Variants in EYS observed in about 807,000 individuals in gnomAD.
EYS encodes protein eyes shut homolog.
In EYS, 250 loss-of-function variants were observed where a neutral mutation model predicts 282.1. That is an observed-to-expected ratio of 0.89 (90% CI 0.80 to 0.98). The LOEUF (loss-of-function observed/expected upper bound fraction) is 0.98. EYS is among the 50% of genes least tolerant of loss of function. EYS has a pLI of 0.00. For synonymous variants in EYS, 1,355 were observed against 1,282.9 expected (o/e 1.06, Z -1.20); for missense variants, 4,016 against 3,709.0 (o/e 1.08, Z -2.15).
At chr6:65,585,864 G>C (rs1765025762) in intron 2 of EYS, among the ~76,000 whole-genome samples, 1 of 151,916 alleles carries the variant, frequency 6.6e-6, no homozygotes, top group South Asian at 2.1e-4. Flanking sequence ...AAAAGGTTTA[G>C]TAACTACTCA....
intron 23 of EYS, among the ~76,000 whole-genome samples, chr6:64,624,797 T>A (rs958609203): frequency 1.3e-5 from 2 of 152,134 alleles, no homozygotes; most frequent in African/African-American, 4.8e-5. Flanking sequence ...GTGGGCCCAA[T>A]AACCAGAAGC....
chr6:63,934,776 C>T (rs928611706), intron 35 of EYS, among the ~76,000 whole-genome samples: 3 of 150,692 alleles, frequency 2.0e-5, no homozygotes, highest in Non-Finnish European at 4.4e-5. Context: ...GGAGGGTTAG[C>T]ATTAGGAGAT....
intron 35 of EYS, among the ~76,000 whole-genome samples, chr6:63,965,535 CCTT>C (rs1450314299): frequency 6.6e-6 from 1 of 152,126 alleles, no homozygotes; most frequent in Non-Finnish European, 1.5e-5. Context: ...ATCAAATTGT[CCTT>C]CTTTCTCTTG....
In EYS at chr6:65,242,018, T is replaced by C. The variant is rs150238264; in HGVS notation, c.2023+53845A>G. Among the ~76,000 whole-genome samples the C allele has an allele frequency of 3.1e-3, 469 of 152,184 alleles. 1 individual carries two copies. Among genetic ancestry groups the C allele is most frequent in the African/African-American group, 0.011 (450 of 41,536 alleles). On this transcript the variant is annotated intron_variant, in intron 12 of 42. Coordinates refer to ENST00000503581, the MANE Select transcript of EYS (RefSeq NM_001142800.2). The stretch of plus-strand genomic sequence containing the variant: ...AAATATTGTGCAAATTCCAGCAAAA[T>C]TCCTACAGATAAGTTTTTAAATGAA...
chr6:64,546,200 C>A (rs527976174), intron 26 of EYS, among the ~76,000 whole-genome samples: 3 of 152,026 alleles, frequency 2.0e-5, no homozygotes, highest in Non-Finnish European at 4.4e-5. Context: ...CAGAACAGAG[C>A]CCTCAGAAAT....
intron 8 of EYS, among the ~76,000 whole-genome samples, chr6:65,374,526 T>C (rs1765286814): frequency 6.9e-6 from 1 of 144,262 alleles, no homozygotes; most frequent in African/African-American, 2.5e-5. Context: ...CGTACCCCAC[T>C]GATACCTGGA....
At position 64,619,859 on chromosome 6, in the gene EYS, G is replaced by C. The variant is rs191600986; in HGVS notation, c.3569-2326C>G. ...CAGGTCCTTGGGAAACAGCCTGAGAGAAGATTTACATCTCAAAGAGACAGA... is the reference window on the plus strand; with the variant it reads ...CAGGTCCTTGGGAAACAGCCTGAGACAAGATTTACATCTCAAAGAGACAGA... On this transcript the variant is annotated intron_variant, in intron 23 of 42. Transcript: ENST00000503581. 7.2e-4 allele frequency among the ~76,000 whole-genome samples: 110 copies of C among 152,176 alleles called. 1 individual carries two copies. The Middle Eastern group carries it at 0.014, about 19-fold the overall frequency.
At chr6:64,862,640 T>G (rs2150049261) in intron 19 of EYS, among the ~76,000 whole-genome samples, 1 of 152,250 alleles carries the variant, frequency 6.6e-6, no homozygotes, top group Admixed American at 6.5e-5. Context: ...TTCTGTGGAT[T>G]ACTCCTCCTC....
chr6:65,013,020 A>G (rs72877803), intron 13 of EYS, among the ~76,000 whole-genome samples: 3,430 of 152,282 alleles, frequency 0.023, 63 homozygotes, highest in Middle Eastern at 0.041. Context: ...CTATTTTATC[A>G]TAATCAAAGT....
intron 10 of EYS, among the ~76,000 whole-genome samples, chr6:65,335,745 C>T (rs567211254): frequency 6.6e-5 from 10 of 151,738 alleles, no homozygotes; most frequent in Admixed American, 5.3e-4. Context: ...GAACACAGAC[C>T]TTATGAGGCA....
intron 10 of EYS, among the ~76,000 whole-genome samples, chr6:65,343,743 CTG>C (rs1770285852): frequency 6.6e-6 from 1 of 151,276 alleles, no homozygotes; most frequent in Admixed American, 6.6e-5. Context: ...ATAATCACAA[CTG>C]TATCTGAGAG....
chr6:64,999,085 G>C (rs910964792), intron 13 of EYS, among the ~76,000 whole-genome samples: 1 of 152,098 alleles, frequency 6.6e-6, no homozygotes, highest in Non-Finnish European at 1.5e-5. Context: ...CAATAAATGT[G>C]TTTCTAACAT....
chr6:63,831,269 G>A (rs189883782), intron 36 of EYS, among the ~76,000 whole-genome samples: 2 of 152,206 alleles, frequency 1.3e-5, no homozygotes, highest in African/African-American at 4.8e-5. Flanking sequence ...GACACAGACT[G>A]GCAAATTGGA....
In EYS at chr6:65,057,704, C is replaced by G; in HGVS notation, c.2047G>C (p.Asp683His). Residue 683 changes from aspartate to histidine, a missense_variant, in exon 13 of 43, where the codon GAT becomes CAT. Asp to His is a moderately conservative substitution (Grantham distance 81, BLOSUM62 -1). Transcript: ENST00000503581. ...TTGCAGGGATGTGAAGCACACTCATCTATATCAATTTCACATTGCGTACCT... is the reference window on the plus strand; with the variant it reads ...TTGCAGGGATGTGAAGCACACTCATGTATATCAATTTCACATTGCGTACCT... ...FKGTQCEIDIDECASHPCKNG... is the reference protein window; with the variant it reads ...FKGTQCEIDIHECASHPCKNG... The G allele has an allele frequency of 6.5e-7, 1 of 1,549,872 alleles. No homozygotes were observed. The highest frequency in any genetic ancestry group is 2.4e-5 in the East Asian group (1 of 40,848).
intron 2 of EYS, among the ~76,000 whole-genome samples, chr6:65,613,160 T>TTATGAATATAA (rs2149796166): frequency 6.6e-6 from 1 of 152,026 alleles, no homozygotes; most frequent in South Asian, 2.1e-4. Context: ...CTTGTCTTTC[T>TTATGAATATAA]TATGAATATA....
chr6:64,796,811 T>C (rs1274590456), intron 22 of EYS, among the ~76,000 whole-genome samples: 1 of 152,174 alleles, frequency 6.6e-6, no homozygotes, highest in African/African-American at 2.4e-5. Flanking sequence ...AAGCCTCAGG[T>C]ATTTTTGTGT....
At chr6:63,984,048 C>A (rs1562132070) in intron 35 of EYS, among the ~76,000 whole-genome samples, 1 of 151,026 alleles carries the variant, frequency 6.6e-6, no homozygotes, top group Non-Finnish European at 1.5e-5. Flanking sequence ...ATATCAAAAC[C>A]ATCACCAATG....
chr6:64,755,519 C>G (rs1772907556), intron 22 of EYS, among the ~76,000 whole-genome samples: 1 of 151,526 alleles, frequency 6.6e-6, no homozygotes, highest in African/African-American at 2.4e-5. Context: ...CACACACACA[C>G]ACACACACAC....
Position 65,512,692 on chromosome 6 carries a change from G to C in EYS, c.-332-16699C>G, listed in dbSNP as rs139150390. 7.6e-3 allele frequency among the ~76,000 whole-genome samples: 1,160 copies of C among 151,888 alleles called. 16 individuals are homozygous for C. The highest frequency in any genetic ancestry group is 0.025 in the African/African-American group (1,039 of 41,436). ...AACAACCTGCTCCTGAATGACTACT[G>C]GGCACATAATGAAATGAAGGCAGAA... is the stretch of plus-strand genomic sequence containing the variant. On this transcript the variant is annotated intron_variant, in intron 2 of 42. Coordinates refer to ENST00000503581, the MANE Select transcript of EYS (RefSeq NM_001142800.2).
Sources: allele counts gnomAD v4.1 joint callset (sites outside exome capture counted in the v4.1 genomes callset), GRCh38; gene constraint gnomAD v4.1.1; transcripts MANE v1.5; gene names NCBI Gene and HGNC (gene_info 2026-07-23, HGNC 2026-07-21).